Variants in SRCIN1 observed in about 807,000 individuals in gnomAD.
The protein encoded by SRCIN1 is P130Cas-associated protein.
SRCIN1 carries 50 observed loss-of-function variants against 116.2 expected under a neutral mutation model. The observed-to-expected ratio is 0.43, with a 90% CI of 0.34 to 0.54. The LOEUF (loss-of-function observed/expected upper bound fraction) is 0.54. Among genes scored for constraint, SRCIN1 ranks in the 20% least tolerant of loss-of-function variants. SRCIN1 has a pLI of 0.02. For synonymous variants in SRCIN1, 736 were observed against 750.0 expected, an observed-to-expected ratio of 0.98 and a Z score of 0.30; for missense variants, 1,446 against 1,672.0, an observed-to-expected ratio of 0.86 and a Z score of 2.36.
Position 38,549,916 on chromosome 17 carries a change from T to C in SRCIN1, c.2963-706A>G, listed in dbSNP as rs114522576. Among the ~76,000 whole-genome samples the C allele has an allele frequency of 3.5e-3, 528 of 152,280 alleles. 5 individuals carry two copies. The highest frequency in any genetic ancestry group is 0.012 in the African/African-American group (516 of 41,548). ...TCAGGCGTTTGCACACGCTGTTCCCTCACCCTGGAGTACCCGCTCTCACTA... is the reference window on the plus strand; with the variant it reads ...TCAGGCGTTTGCACACGCTGTTCCCCCACCCTGGAGTACCCGCTCTCACTA... On this transcript the variant is annotated intron_variant, in intron 15 of 18. Transcript: ENST00000617146.
intron 18 of SRCIN1, 31 bp from the exon 19 acceptor site, chr17:38,533,462 G>C (rs1478801167): frequency 2.5e-6 from 4 of 1,597,638 alleles, no homozygotes; most frequent in African/African-American, 2.7e-5. Context: ...AGGGGTCAGA[G>C]AGCGGAAGGG....
Position 38,564,104 on chromosome 17 carries a change from TG to T in SRCIN1, c.541+13del. 7.4e-7 allele frequency: 1 copy of T among 1,350,272 alleles called. No individual in the cohort carries two copies. The highest frequency in any genetic ancestry group is 1.2e-5 in the South Asian group (1 of 83,646). The allele number at this position is 1,350,272 out of a possible 1,614,324, so 83.6% of individuals were successfully genotyped here. ...GCCTGTGTGGGGAGGGAGGGTGGAC[TG>T]GGCGGGCAGTACCTGGGGAGCGCAG... On this transcript the variant is annotated intron_variant, in intron 4 of 18. Coordinates refer to ENST00000617146, the MANE Select transcript of SRCIN1 (RefSeq NM_025248.3).
chr17:38,593,252 G>A (rs986715567), intron 1 of SRCIN1, among the ~76,000 whole-genome samples: 12 of 152,160 alleles, frequency 7.9e-5, no homozygotes, highest in African/African-American at 2.9e-4. Flanking sequence ...GAAGAGGCCA[G>A]ACCCAAGGTG....
rs1905488517 is a variant in SRCIN1 at position 38,552,417 on chromosome 17, T to C, written c.2480+30A>G. 1.9e-6 allele frequency: 3 copies of C among 1,585,896 alleles called. No individual in the cohort carries two copies. The highest frequency in any genetic ancestry group is 2.3e-5 in the East Asian group (1 of 43,808). On this transcript the variant is annotated intron_variant, in intron 13 of 18. Transcript: ENST00000617146. The surrounding 1 kb of genome is among the most constrained non-coding windows in gnomAD (Gnocchi z 5.3). ...GGTCTGGGCCCGGTGTGTGAACCCA[T>C]GGGAAATCAGAGGTCAGGGACAGAA... is the stretch of plus-strand genomic sequence containing the variant.
At chr17:38,584,983 G>C (rs1429961560) in intron 1 of SRCIN1, among the ~76,000 whole-genome samples, 1 of 152,198 alleles carries the variant, frequency 6.6e-6, no homozygotes, top group African/African-American at 2.4e-5. Context: ...CCAAACTCAA[G>C]ATCTGGAAAT....
chr17:38,561,147 A>G (rs117971810), intron 7 of SRCIN1, among the ~76,000 whole-genome samples: 147,611 of 152,300 alleles, frequency 0.97, 71,559 homozygotes, highest in East Asian at 1. Context: ...AAGTGGTTCA[A>G]CCCCTCAATT....
At chr17:38,595,000 A>G (rs895738585) in intron 1 of SRCIN1, among the ~76,000 whole-genome samples, 2 of 152,082 alleles carry the variant, frequency 1.3e-5, no homozygotes, top group African/African-American at 4.8e-5. Flanking sequence ...ATGAGAGGAC[A>G]CTCTACAGGG....
Position 38,551,364 on chromosome 17 carries a change from T to G in SRCIN1, c.2753A>C (p.Lys918Thr). Residue 918 changes from lysine (K) to threonine (T), a missense_variant, in exon 15 of 19, where the codon AAG (lysine) becomes ACG (threonine). This residue lies in a region of SRCIN1 where 531 missense variants were observed against 633.9 expected (regional missense o/e 0.84). Transcript: ENST00000617146. ...ACTGTACTGGGTCAGGGCTGCCCGC[T>G]TCTCCTCCCAGTCTCGCTCTGCAGC... ...VEAAERDWEE[K>T]RAALTQYSAK... 6.2e-7 allele frequency: 1 copy of G among 1,613,042 alleles called. No individual in the cohort carries two copies. Among genetic ancestry groups the G allele is most frequent in the Non-Finnish European group, 8.5e-7 (1 of 1,179,510 alleles).
chr17:38,549,271 T>A, intron 15 of SRCIN1, 61 bp from the exon 16 acceptor site: 2 of 1,437,596 alleles, frequency 1.4e-6, no homozygotes, highest in Non-Finnish European at 1.8e-6. Context: ...GTGCACTACA[T>A]CTAACTTGAA....
At chr17:38,605,073 G>C (rs1009191288) in intron 1 of SRCIN1, among the ~76,000 whole-genome samples, 2 of 152,148 alleles carry the variant, frequency 1.3e-5, no homozygotes, top group African/African-American at 4.8e-5. Context: ...TGCGGGGAGG[G>C]GGGGTGTGTG....
At chr17:38,557,353 G>A (rs1185185094) in intron 11 of SRCIN1, among the ~76,000 whole-genome samples, 1 of 152,254 alleles carries the variant, frequency 6.6e-6, no homozygotes, top group East Asian at 1.9e-4. Flanking sequence ...GCTGGGTACA[G>A]ATGAGGACAC....
intron 1 of SRCIN1, among the ~76,000 whole-genome samples, chr17:38,582,808 T>C (rs949884616): frequency 2.0e-5 from 3 of 152,198 alleles, no homozygotes; most frequent in Non-Finnish European, 4.4e-5. Context: ...CCTGGCTTCC[T>C]ACTTTGTACA....
Position 38,605,234 on chromosome 17 carries a change from C to T in SRCIN1, c.22+450G>A, listed in dbSNP as rs556811014. ...GGGGGAGGGAGGCCTTTGATGCACC[C>T]CTCACTTCTCCATCCCCTTCCCCTC... is the stretch of plus-strand genomic sequence containing the variant. On this transcript the variant is annotated intron_variant, in intron 1 of 18. Transcript: ENST00000617146. Among the ~76,000 whole-genome samples the T allele has an allele frequency of 6.6e-5, 10 of 151,558 alleles. No individual in the cohort carries two copies. In the South Asian group the frequency reaches 1.7e-3, roughly 25 times the overall value.
At chr17:38,541,360 CA>C (rs1325384690) in intron 18 of SRCIN1, 1 of 152,126 alleles carries the variant, frequency 6.6e-6, no homozygotes, top group African/African-American at 2.4e-5. Flanking sequence ...GGAAGTGAGA[CA>C]GGGGCACGGA....
intron 2 of SRCIN1, among the ~76,000 whole-genome samples, chr17:38,571,655 G>C (rs988444452): frequency 2.0e-4 from 30 of 152,178 alleles, no homozygotes; most frequent in African/African-American, 7.0e-4. Flanking sequence ...GGGTGAGTAG[G>C]GGAGACCCCG....
At chr17:38,555,815 G>T (rs1905750071) in intron 11 of SRCIN1, among the ~76,000 whole-genome samples, 1 of 152,212 alleles carries the variant, frequency 6.6e-6, no homozygotes, top group Admixed American at 6.5e-5. Flanking sequence ...CTGCTCATAT[G>T]TGTAACACCT....
intron 2 of SRCIN1, among the ~76,000 whole-genome samples, chr17:38,570,775 C>T (rs563243634): frequency 1.3e-5 from 2 of 152,202 alleles, no homozygotes; most frequent in Non-Finnish European, 2.9e-5. Context: ...CTGGAAGGGA[C>T]GTATCACTAG....
intron 18 of SRCIN1, among the ~76,000 whole-genome samples, chr17:38,538,875 A>G (rs1309086425): frequency 6.6e-6 from 1 of 152,066 alleles, no homozygotes; most frequent in Non-Finnish European, 1.5e-5. Flanking sequence ...CTAATCGCAT[A>G]TCTCTCTGTG....
chr17:38,537,430 G>A (rs1008258066), intron 18 of SRCIN1, among the ~76,000 whole-genome samples: 3 of 151,898 alleles, frequency 2.0e-5, no homozygotes, highest in Non-Finnish European at 2.9e-5. Flanking sequence ...AGCTTGGAGA[G>A]GTTGAGGCTG....
Sources: gnomAD v4.1 joint callset for allele counts (sites outside exome capture counted in the v4.1 genomes callset) on GRCh38, gnomAD v4.1.1 for gene constraint, gnomAD v4.1.1 regional missense constraint, Gnocchi (gnomAD v3.1) non-coding constraint, MANE v1.5 for transcripts, NCBI Gene and HGNC (gene_info 2026-07-23, HGNC 2026-07-21) for gene names.